Variants in CADM2 observed in about 807,000 individuals in gnomAD.
CADM2 encodes immunoglobulin superfamily member 4D.
Under a neutral mutation model 49.8 loss-of-function variants are expected in CADM2, and 12 were observed. The observed-to-expected ratio is 0.24, with a 90% CI of 0.15 to 0.39. The LOEUF (loss-of-function observed/expected upper bound fraction) is 0.39. CADM2 is among the 10% of genes least tolerant of loss of function. CADM2 has a pLI of 1.00. For missense variants in CADM2, 378 were observed against 492.3 expected (o/e 0.77, Z 2.20); for synonymous variants, 214 against 175.4 (o/e 1.22, Z -1.74).
At chr3:85,318,340 G>A (rs2044517592) in intron 1 of CADM2, among the ~76,000 whole-genome samples, 1 of 152,096 alleles carries the variant, frequency 6.6e-6, no homozygotes, top group South Asian at 2.1e-4. Context: ...AAGATTATCA[G>A]AGAAAGGCAA....
intron 1 of CADM2, among the ~76,000 whole-genome samples, chr3:85,045,435 G>A (rs958574444): frequency 1.3e-5 from 2 of 152,004 alleles, no homozygotes; most frequent in Admixed American, 1.3e-4. Context: ...TTTGATATAG[G>A]TATGTTTTAT....
At chr3:85,103,466 C>T (rs1353873391) in intron 1 of CADM2, among the ~76,000 whole-genome samples, 1 of 151,812 alleles carries the variant, frequency 6.6e-6, no homozygotes, top group Non-Finnish European at 1.5e-5. Context: ...ATAAATGACC[C>T]TAGGATTCTG....
intron 1 of CADM2, among the ~76,000 whole-genome samples, chr3:85,135,834 C>T (rs1464955060): frequency 2.0e-5 from 3 of 151,800 alleles, no homozygotes; most frequent in Non-Finnish European, 2.9e-5. Flanking sequence ...ATTAGAGAGC[C>T]GTAGTATTGA....
chr3:85,227,138 G>A (rs921894379), intron 1 of CADM2, among the ~76,000 whole-genome samples: 3 of 152,050 alleles, frequency 2.0e-5, no homozygotes, highest in African/African-American at 7.2e-5. Flanking sequence ...TGACTATTAG[G>A]TCCACTTGGT....
At chr3:85,080,077 AT>A (rs2037105611) in intron 1 of CADM2, among the ~76,000 whole-genome samples, 2 of 152,164 alleles carry the variant, frequency 1.3e-5, no homozygotes, top group Middle Eastern at 3.4e-3. Flanking sequence ...TCATAATACT[AT>A]TTTTGAGAAA....
chr3:85,455,479 T>G (rs1366359959), intron 1 of CADM2, among the ~76,000 whole-genome samples: 1 of 152,182 alleles, frequency 6.6e-6, no homozygotes, highest in Non-Finnish European at 1.5e-5. Flanking sequence ...ACATGTAAGT[T>G]GATAAGCAGA....
chr3:84,989,112 G>A (rs1163502649), intron 1 of CADM2, among the ~76,000 whole-genome samples: 1 of 152,136 alleles, frequency 6.6e-6, no homozygotes, highest in African/African-American at 2.4e-5. Context: ...GTTTTGCTGA[G>A]AGTTTGCTTA....
chr3:85,928,308 G>A (rs1417267621), intron 6 of CADM2, among the ~76,000 whole-genome samples: 1 of 152,012 alleles, frequency 6.6e-6, no homozygotes, highest in Admixed American at 6.6e-5. Context: ...ACAGGCGCAT[G>A]CCATCATGCC....
intron 1 of CADM2, among the ~76,000 whole-genome samples, chr3:85,081,814 A>C (rs2037174912): frequency 6.6e-6 from 1 of 152,192 alleles, no homozygotes; most frequent in African/African-American, 2.4e-5. Flanking sequence ...TCTGTAATGC[A>C]TATCTGTCTT....
intron 3 of CADM2, among the ~76,000 whole-genome samples, chr3:85,853,547 A>G (rs1434597641): frequency 1.3e-5 from 2 of 152,060 alleles, no homozygotes; most frequent in Non-Finnish European, 1.5e-5. Flanking sequence ...AATGGCCATG[A>G]CATGCATGTT....
At chr3:85,133,686 G>A (rs1347447438) in intron 1 of CADM2, among the ~76,000 whole-genome samples, 1 of 152,212 alleles carries the variant, frequency 6.6e-6, no homozygotes, top group Admixed American at 6.5e-5. Context: ...TGACTGGTGT[G>A]TTTACAAACC....
chr3:85,482,106 G>A (rs1420099990), intron 1 of CADM2, among the ~76,000 whole-genome samples: 4 of 151,552 alleles, frequency 2.6e-5, no homozygotes, highest in Non-Finnish European at 4.4e-5. Context: ...AATGTTTACC[G>A]AAATTCAAAA....
chr3:85,057,405 A>C (rs2036123614), intron 1 of CADM2, among the ~76,000 whole-genome samples: 1 of 152,080 alleles, frequency 6.6e-6, no homozygotes, highest in Admixed American at 6.6e-5. Context: ...TTCAGGATAC[A>C]CATCAGGACA....
intron 1 of CADM2, among the ~76,000 whole-genome samples, chr3:85,487,570 G>A (rs1165924365): frequency 6.6e-6 from 1 of 150,904 alleles, no homozygotes; most frequent in Non-Finnish European, 1.5e-5. Flanking sequence ...AGGAATAGGA[G>A]GAGGAGGAAG....
chr3:85,482,737 C>A (rs10511085), intron 1 of CADM2, among the ~76,000 whole-genome samples: 77,831 of 151,278 alleles, frequency 0.51, 22,973 homozygotes, highest in East Asian at 0.83. Flanking sequence ...CTAGAGAGTA[C>A]ATTTCTAACC....
chr3:86,021,911 C>T (rs75591245), intron 8 of CADM2, among the ~76,000 whole-genome samples: 5,799 of 152,110 alleles, frequency 0.038, 350 homozygotes, highest in African/African-American at 0.13. Context: ...TAATACACAA[C>T]ATGAGAACTA....
At chr3:85,454,675 C>T (rs1262590482) in intron 1 of CADM2, among the ~76,000 whole-genome samples, 1 of 152,088 alleles carries the variant, frequency 6.6e-6, no homozygotes, top group Non-Finnish European at 1.5e-5. Flanking sequence ...CATATTCAGA[C>T]ATGAAAAAGC....
intron 1 of CADM2, among the ~76,000 whole-genome samples, chr3:85,076,319 G>GTGTGTGTGTC (rs2036941160): frequency 6.6e-6 from 1 of 151,242 alleles, no homozygotes; most frequent in African/African-American, 2.4e-5. Context: ...GTGTGTGTGT[G>GTGTGTGTGTC]TGTGTGTGTG....
intron 2 of CADM2, among the ~76,000 whole-genome samples, chr3:85,761,066 G>C (rs987886458): frequency 6.6e-6 from 1 of 152,010 alleles, no homozygotes; most frequent in African/African-American, 2.4e-5. Flanking sequence ...GGCAGGAGAC[G>C]AAGTCCCTAT....
Sources: allele counts gnomAD v4.1 joint callset (sites outside exome capture counted in the v4.1 genomes callset), GRCh38; gene constraint gnomAD v4.1.1; transcripts MANE v1.5; gene names NCBI Gene and HGNC (gene_info 2026-07-23, HGNC 2026-07-21).